CUBN: variants seen among roughly 807,000 people sequenced by gnomAD.
CUBN encodes the protein 460 kDa receptor.
Under a neutral mutation model 405.3 loss-of-function variants are expected in CUBN, and 282 were observed. That is an observed-to-expected ratio of 0.70 (90% confidence interval 0.63 to 0.77). The LOEUF is 0.77. Ranked by LOEUF, CUBN falls within the 30% of genes least tolerant of loss-of-function variation. The probability of loss-of-function intolerance (pLI) is 0.00; values close to 1 mark genes in which losing one functional copy is unlikely to be tolerated. For synonymous variants in CUBN, 1,684 were observed against 1,617.0 expected (o/e 1.04, Z -0.99); for missense variants, 4,514 against 4,475.2 (o/e 1.01, Z -0.25).
chr10:17,018,089 A>G (rs1834385929), intron 28 of CUBN, among the ~76,000 whole-genome samples: 1 of 152,014 alleles, frequency 6.6e-6, no homozygotes, highest in African/African-American at 2.4e-5. Flanking sequence ...AACGCTCCCA[A>G]CTCCGAAGAG....
chr10:17,000,907 C>A (rs1300044214), intron 28 of CUBN, among the ~76,000 whole-genome samples: 2 of 152,180 alleles, frequency 1.3e-5, no homozygotes, highest in African/African-American at 4.8e-5. Flanking sequence ...CCGGTGGGTT[C>A]TTGGTCTCGC....
chr10:17,103,320 CT>C lies in CUBN; in HGVS notation c.1418-84del. On this transcript the variant is annotated intron_variant, in intron 12 of 66. Transcript: ENST00000377833. ...CAACTGTAACCCTGCTGCTGATAAA[CT>C]TAGAGAAAATTTGAGTAATGAAGGT... The C allele has an allele frequency of 4.7e-6, 4 of 846,766 alleles. No individual in the cohort carries two copies. The Admixed American group carries it at 7.2e-5, about 15-fold the overall frequency. The allele number at this position is 846,766 out of a possible 1,614,324, so 52.5% of individuals were successfully genotyped here.
intron 22 of CUBN, among the ~76,000 whole-genome samples, chr10:17,057,783 A>C (rs1183708096): frequency 6.6e-6 from 1 of 152,092 alleles, no homozygotes; most frequent in Non-Finnish European, 1.5e-5. Flanking sequence ...AGAAAAAAAC[A>C]CATGAATACA....
chr10:16,887,981 G>A (rs1399619505), intron 56 of CUBN, among the ~76,000 whole-genome samples: 1 of 152,188 alleles, frequency 6.6e-6, no homozygotes, highest in Non-Finnish European at 1.5e-5. Flanking sequence ...CACACAGAAA[G>A]GCAAACATTG....
At chr10:16,955,200 C>T (rs1039908000) in intron 31 of CUBN, among the ~76,000 whole-genome samples, 7 of 149,646 alleles carry the variant, frequency 4.7e-5, no homozygotes, top group South Asian at 2.1e-4. Context: ...GCGAGACCCC[C>T]GTCTCTAATA....
intron 31 of CUBN, among the ~76,000 whole-genome samples, chr10:16,964,613 G>A (rs1054690242): frequency 1.4e-4 from 21 of 152,072 alleles, no homozygotes; most frequent in African/African-American, 5.1e-4. Context: ...GAGCATGTAA[G>A]GTTTAAAAAT....
intron 31 of CUBN, among the ~76,000 whole-genome samples, chr10:16,960,840 G>A (rs952828065): frequency 1.3e-5 from 2 of 152,040 alleles, no homozygotes; most frequent in African/African-American, 4.8e-5. Context: ...AGAATGAAGG[G>A]GCCCAACCAC....
intron 65 of CUBN, among the ~76,000 whole-genome samples, chr10:16,830,719 G>T (rs568505729): frequency 2.0e-5 from 3 of 152,214 alleles, no homozygotes; most frequent in African/African-American, 7.2e-5. Flanking sequence ...AGGAATTTTT[G>T]AATCTTCCTA....
chr10:17,020,117 C>T, intron 27 of CUBN, 134 bp from the exon 28 acceptor site: 1 of 870,568 alleles, frequency 1.1e-6, no homozygotes, highest in African/African-American at 1.6e-5. Flanking sequence ...GGGTTGAGTA[C>T]ACAGAACTCA....
intron 29 of CUBN, among the ~76,000 whole-genome samples, chr10:16,988,477 A>G (rs1833491341): frequency 6.6e-6 from 1 of 152,166 alleles, no homozygotes; most frequent in African/African-American, 2.4e-5. Flanking sequence ...TACAATTACA[A>G]TAGTAAATTG....
chr10:16,831,212 T>A, intron 65 of CUBN, 40 bp downstream of exon 65: 1 of 1,597,976 alleles, frequency 6.3e-7, no homozygotes. Context: ...CCTCATGTTT[T>A]TCTCACAGTG....
At chr10:17,035,773 G>A (rs1834882538) in intron 27 of CUBN, among the ~76,000 whole-genome samples, 1 of 151,742 alleles carries the variant, frequency 6.6e-6, no homozygotes, top group Admixed American at 6.6e-5. Flanking sequence ...CTTATATGTG[G>A]GAGCTAAGTG....
chr10:17,023,068 T>C (rs3902042), intron 27 of CUBN, among the ~76,000 whole-genome samples: 99,413 of 152,088 alleles, frequency 0.65, 32,787 homozygotes, highest in African/African-American at 0.76. Flanking sequence ...GATTAAGAAA[T>C]GTGGCATTTT....
In CUBN at chr10:17,075,073, C is replaced by CTTT. The variant is rs957929670; in HGVS notation, c.2302-3105_2302-3103dup. The stretch of plus-strand genomic sequence containing the variant: ...TAAAGAGAAGATTTTTCTTTGTTTT[C>CTTT]TTTTTTTTTTTTTTTTTTTTTTTTT... On this transcript the variant is annotated intron_variant, in intron 17 of 66. Coordinates refer to ENST00000377833, the MANE Select transcript of CUBN (RefSeq NM_001081.4). Among the ~76,000 whole-genome samples, 288 of 65,316 alleles carry CTTT rather than the reference C, an allele frequency of 4.4e-3. 22 individuals are homozygous for CTTT. Among genetic ancestry groups the CTTT allele is most frequent in the African/African-American group, 0.016 (256 of 15,716 alleles). The allele number at this position is 65,316 out of a possible 152,430, so 42.8% of individuals were successfully genotyped here. A position where few individuals can be genotyped will look rare whatever the true frequency, so the allele number is the denominator to read the frequency against.
intron 37 of CUBN, 92 bp from the exon 38 acceptor site, chr10:16,939,239 A>T: frequency 1.0e-6 from 1 of 1,003,116 alleles, no homozygotes; most frequent in Admixed American, 1.8e-5. Context: ...GTTGAAAAGG[A>T]TGGACTTTTA....
chr10:16,845,104 C>A (rs1212622453), intron 60 of CUBN, among the ~76,000 whole-genome samples: 1 of 152,196 alleles, frequency 6.6e-6, no homozygotes, highest in African/African-American at 2.4e-5. Flanking sequence ...GGCAGGCAGG[C>A]TCTGCTACAA....
At chr10:16,885,796 T>C (rs376474927) in intron 56 of CUBN, among the ~76,000 whole-genome samples, 22 of 152,326 alleles carry the variant, frequency 1.4e-4, no homozygotes, top group African/African-American at 5.1e-4. Flanking sequence ...TCTTGTGAGA[T>C]GCACTGTTTA....
intron 34 of CUBN, among the ~76,000 whole-genome samples, chr10:16,949,298 T>C (rs988008029): frequency 2.0e-5 from 3 of 152,180 alleles, no homozygotes; most frequent in Non-Finnish European, 4.4e-5. Context: ...TCTCAGACAC[T>C]GTCCTGGGCA....
At chr10:16,872,255 T>C (rs1840378024) in intron 58 of CUBN, among the ~76,000 whole-genome samples, 1 of 151,434 alleles carries the variant, frequency 6.6e-6, no homozygotes, top group Non-Finnish European at 1.5e-5. Context: ...AATAAATAAG[T>C]AAAATAAAAT....
Sources: gnomAD v4.1 joint callset for allele counts (sites outside exome capture counted in the v4.1 genomes callset) on GRCh38, gnomAD v4.1.1 for gene constraint, MANE v1.5 for transcripts, NCBI Gene and HGNC (gene_info 2026-07-23, HGNC 2026-07-21) for gene names.